The following ADK variants were observed in gnomAD, a reference collection of about 807,000 sequenced individuals.
ADK encodes N6,N6-dimethyladenosine kinase.
In ADK, 24 loss-of-function variants were observed where a neutral mutation model predicts 44.7. The observed-to-expected ratio is 0.54, with a 90% CI of 0.39 to 0.76. The LOEUF is 0.76. Ranked by LOEUF, ADK falls within the 30% of genes least tolerant of loss-of-function variation. The probability of loss-of-function intolerance (pLI) is 0.00; values close to 1 mark genes in which losing one functional copy is unlikely to be tolerated. For synonymous variants in ADK, 128 were observed against 142.6 expected (o/e 0.90, Z 0.73); for missense variants, 321 against 425.1 (o/e 0.76, Z 2.15).
chr10:74,278,320 C>T (rs1209837247), intron 3 of ADK, among the ~76,000 whole-genome samples: 2 of 144,498 alleles, frequency 1.4e-5, no homozygotes, highest in Non-Finnish European at 3.0e-5. Flanking sequence ...CACCACTGCA[C>T]TCCAGTCTGG....
intron 6 of ADK, among the ~76,000 whole-genome samples, chr10:74,452,841 A>G (rs888337398): frequency 6.6e-6 from 1 of 152,016 alleles, no homozygotes; most frequent in African/African-American, 2.4e-5. Flanking sequence ...AACACTTTTT[A>G]AATGTTACTT....
chr10:74,203,481 C>G (rs1240385734), intron 2 of ADK, among the ~76,000 whole-genome samples: 1 of 151,948 alleles, frequency 6.6e-6, no homozygotes, highest in Non-Finnish European at 1.5e-5. Flanking sequence ...ATTTCAGCCT[C>G]CCAAGTAACT....
intron 9 of ADK, among the ~76,000 whole-genome samples, chr10:74,633,768 A>G (rs1276039533): frequency 2.0e-5 from 3 of 152,228 alleles, no homozygotes; most frequent in African/African-American, 4.8e-5. Context: ...TACTTGGAGG[A>G]GGAGAATGGC....
intron 4 of ADK, among the ~76,000 whole-genome samples, chr10:74,372,859 T>C (rs941343184): frequency 6.6e-6 from 1 of 152,152 alleles, no homozygotes; most frequent in Non-Finnish European, 1.5e-5. Flanking sequence ...AAAATTAATA[T>C]GGAAATTCAA....
chr10:74,417,689 A>G (rs1030316833), intron 6 of ADK, among the ~76,000 whole-genome samples: 1 of 151,988 alleles, frequency 6.6e-6, no homozygotes, highest in Non-Finnish European at 1.5e-5. Context: ...AATTTCCATA[A>G]CTATCATTTC....
At chr10:74,217,926 A>G (rs1428362477) in intron 2 of ADK, among the ~76,000 whole-genome samples, 1 of 152,124 alleles carries the variant, frequency 6.6e-6, no homozygotes, top group Non-Finnish European at 1.5e-5. Context: ...TGGGGAAAAA[A>G]CAGAGCAGAA....
At chr10:74,382,976 C>A (rs929903014) in intron 4 of ADK, among the ~76,000 whole-genome samples, 7 of 151,720 alleles carry the variant, frequency 4.6e-5, no homozygotes, top group Non-Finnish European at 8.8e-5. Context: ...CTCACACATA[C>A]CCTGCAATGA....
chr10:74,708,539 A>AT lies in ADK; in HGVS notation c.*100dup, dbSNP rs1204039013. ...TTAATAAAGAAGAAAATTATCTGCC[A>AT]TTTTTTCCTACTATAATAATGCTGA... On this transcript the variant is annotated 3_prime_UTR_variant, in exon 11 of 11. Transcript: ENST00000539909. The AT allele has an allele frequency of 2.9e-6, 4 of 1,400,898 alleles. No individual in the cohort carries two copies. The highest frequency in any genetic ancestry group is 1.2e-5 in the South Asian group (1 of 82,982). The allele number at this position is 1,400,898 out of a possible 1,614,324, so 86.8% of individuals were successfully genotyped here. A position where few individuals can be genotyped will look rare whatever the true frequency, so the allele number is the denominator to read the frequency against.
intron 9 of ADK, among the ~76,000 whole-genome samples, chr10:74,660,395 A>G (rs912251098): frequency 1.3e-5 from 2 of 152,152 alleles, no homozygotes; most frequent in African/African-American, 4.8e-5. Flanking sequence ...GCCTCCCAAA[A>G]TGCTGGGGTT....
At chr10:74,313,199 C>T (rs2131800223) in intron 3 of ADK, among the ~76,000 whole-genome samples, 1 of 152,080 alleles carries the variant, frequency 6.6e-6, no homozygotes, top group East Asian at 1.9e-4. Flanking sequence ...GGAGTCTTCT[C>T]CATGAAAGGG....
At chr10:74,420,203 G>A (rs1430755230) in intron 6 of ADK, among the ~76,000 whole-genome samples, 3 of 152,086 alleles carry the variant, frequency 2.0e-5, no homozygotes, top group Non-Finnish European at 4.4e-5. Context: ...TGTAGACTTA[G>A]CACACTATTA....
At chr10:74,680,799 C>T (rs780278439) in intron 10 of ADK, among the ~76,000 whole-genome samples, 1 of 152,210 alleles carries the variant, frequency 6.6e-6, no homozygotes. Context: ...CAGCTACTCT[C>T]TCTTCAGATA....
At chr10:74,471,771 A>G (rs751163482) in intron 6 of ADK, among the ~76,000 whole-genome samples, 11 of 152,070 alleles carry the variant, frequency 7.2e-5, no homozygotes, top group Admixed American at 2.0e-4. Flanking sequence ...GCTATTATTA[A>G]TATATTTGTT....
intron 4 of ADK, among the ~76,000 whole-genome samples, chr10:74,323,346 G>A (rs1179600143): frequency 2.0e-5 from 3 of 152,156 alleles, no homozygotes; most frequent in South Asian, 4.1e-4. Flanking sequence ...GGTACTGTCA[G>A]CTGTCATTGT....
intron 4 of ADK, among the ~76,000 whole-genome samples, chr10:74,392,983 A>G (rs1276094478): frequency 6.6e-6 from 1 of 152,038 alleles, no homozygotes; most frequent in Non-Finnish European, 1.5e-5. Flanking sequence ...CTTCTAGTTT[A>G]TTTCCAACAT....
chr10:74,600,450 C>T lies in ADK; in HGVS notation c.834C>T (p.Ile278=), dbSNP rs773469754. Residue 278 remains isoleucine, a synonymous_variant, in exon 9 of 11, where the codon ATC becomes ATT. Coordinates refer to ENST00000539909, the MANE Select transcript of ADK (RefSeq NM_006721.4). ...AGATGAACTCAAAGAGGCAGCGAAT[C>T]GTGATCTTCACCCAAGGGAGAGATG... ...LPKMNSKRQR[I]VIFTQGRDDT... 17 of 1,610,942 alleles carry T rather than the reference C, an allele frequency of 1.1e-5. No individual in the cohort carries two copies. Among genetic ancestry groups the T allele is most frequent in the African/African-American group, 1.3e-5 (1 of 74,636 alleles).
At chr10:74,658,867 G>C (rs566858190) in intron 9 of ADK, among the ~76,000 whole-genome samples, 1 of 151,678 alleles carries the variant, frequency 6.6e-6, no homozygotes, top group Non-Finnish European at 1.5e-5. Flanking sequence ...CAGAAACCTC[G>C]TTAATTCATT....
intron 10 of ADK, among the ~76,000 whole-genome samples, chr10:74,691,257 A>G (rs1439717442): frequency 2.0e-5 from 3 of 152,258 alleles, no homozygotes; most frequent in Non-Finnish European, 4.4e-5. Context: ...GAAATGACTA[A>G]GAACAAAGTT....
At chr10:74,593,702 A>C (rs1024483236) in intron 8 of ADK, among the ~76,000 whole-genome samples, 2 of 152,192 alleles carry the variant, frequency 1.3e-5, no homozygotes, top group Admixed American at 1.3e-4. Flanking sequence ...AAAACAAAAC[A>C]AAATGGTATG....
Sources: gnomAD v4.1 joint callset for allele counts (sites outside exome capture counted in the v4.1 genomes callset) on GRCh38, gnomAD v4.1.1 for gene constraint, MANE v1.5 for transcripts, NCBI Gene and HGNC (gene_info 2026-07-23, HGNC 2026-07-21) for gene names.